FSTL4: variants seen among roughly 807,000 people sequenced by gnomAD.
FSTL4 encodes follistatin-related protein 4.
A neutral mutation model predicts 78.2 loss-of-function variants in FSTL4; 28 were observed. The observed-to-expected ratio is 0.36, with a 90% CI of 0.27 to 0.49. FSTL4 has a LOEUF of 0.49. Among genes scored for constraint, FSTL4 ranks in the 20% least tolerant of loss-of-function variants. FSTL4 has a pLI of 0.98. For missense variants in FSTL4, 922 were observed against 1,084.9 expected (o/e 0.85, Z 2.11); for synonymous variants, 422 against 440.5 (o/e 0.96, Z 0.53).
chr5:133,690,061 C>T, the FSTL4 span, among the ~76,000 whole-genome samples: 1 of 129,774 alleles, frequency 7.7e-6, no homozygotes, highest in Non-Finnish European at 1.6e-5. Context: ...AACTCCATTT[C>T]AAAACACACA....
the FSTL4 span, among the ~76,000 whole-genome samples, chr5:133,740,955 G>A: frequency 1.3e-5 from 2 of 151,946 alleles, no homozygotes; most frequent in Non-Finnish European, 2.9e-5. Flanking sequence ...ATGGATGGAT[G>A]GATGGATGGA....
At chr5:133,552,184 T>C (rs1388447000) in intron 3 of FSTL4, among the ~76,000 whole-genome samples, 1 of 152,148 alleles carries the variant, frequency 6.6e-6, no homozygotes. Flanking sequence ...GACATCTGAC[T>C]CTACTGGTCC....
At chr5:133,435,780 C>A (rs1757022515) in intron 3 of FSTL4, among the ~76,000 whole-genome samples, 1 of 152,174 alleles carries the variant, frequency 6.6e-6, no homozygotes, top group Non-Finnish European at 1.5e-5. Context: ...ACATAAAGCT[C>A]CATGACCACA....
chr5:133,837,049 A>G, the FSTL4 span, among the ~76,000 whole-genome samples: 1 of 152,032 alleles, frequency 6.6e-6, no homozygotes, highest in Non-Finnish European at 1.5e-5. Context: ...ACCCCTCCCT[A>G]AGACTCCAGT....
chr5:133,717,711 A>T, the FSTL4 span, among the ~76,000 whole-genome samples: 1 of 152,226 alleles, frequency 6.6e-6, no homozygotes, highest in African/African-American at 2.4e-5. Context: ...TTCATTCAGC[A>T]TAATGTTTTT....
Position 133,330,634 on chromosome 5 carries a change from A to G in FSTL4, c.410-13982T>C, listed in dbSNP as rs148925976. ...ATTTCAGGGTACAAATATCCAAAGA[A>G]TAATACACCACACATATATGGGATA... On this transcript the variant is annotated intron_variant, in intron 4 of 15. Transcript: ENST00000265342. Among the ~76,000 whole-genome samples, 1,063 of 152,324 alleles carry G rather than the reference A, an allele frequency of 7.0e-3. 2 individuals carry two copies. The highest frequency in any genetic ancestry group is 0.037 in the Middle Eastern group (11 of 294).
intron 3 of FSTL4, among the ~76,000 whole-genome samples, chr5:133,548,163 G>C (rs941928618): frequency 2.0e-5 from 3 of 152,110 alleles, no homozygotes; most frequent in African/African-American, 7.2e-5. Context: ...CAAAAATATA[G>C]AACTTTTCTG....
chr5:133,508,205 T>C (rs1430567689), intron 3 of FSTL4, among the ~76,000 whole-genome samples: 1 of 152,212 alleles, frequency 6.6e-6, no homozygotes, highest in East Asian at 1.9e-4. Flanking sequence ...GCAGGTAGGA[T>C]TGGTGCCTGG....
intron 6 of FSTL4, among the ~76,000 whole-genome samples, chr5:133,303,983 G>T (rs571238790): frequency 4.4e-4 from 67 of 152,244 alleles, no homozygotes; most frequent in African/African-American, 1.5e-3. Context: ...CTGGGCTCCT[G>T]CCTGGAGCCT....
chr5:133,316,969 C>T lies in FSTL4; in HGVS notation c.410-317G>A, dbSNP rs185221223. On this transcript the variant is annotated intron_variant, in intron 4 of 15. Transcript: ENST00000265342. ...CAGATGGAATGGGAAATTCTTCCAG[C>T]GGAATATATAGCGGCAGCCCCACAG... Among the ~76,000 whole-genome samples, 7 of 152,258 alleles carry T rather than the reference C, an allele frequency of 4.6e-5. No individual in the cohort carries two copies. The East Asian group carries it at 1.2e-3, about 25-fold the overall frequency.
chr5:133,510,248 T>A (rs9327653), intron 3 of FSTL4, among the ~76,000 whole-genome samples: 1,657 of 152,216 alleles, frequency 0.011, 30 homozygotes, highest in African/African-American at 0.037. Context: ...TGTGAAACAA[T>A]AGACAACAGC....
At position 133,399,421 on chromosome 5, in the gene FSTL4, C is replaced by T. The variant is rs25734; in HGVS notation, c.409+1317G>A. 3.9e-5 allele frequency among the ~76,000 whole-genome samples: 6 copies of T among 152,184 alleles called. No individual in the cohort carries two copies. In the South Asian group the frequency reaches 1.0e-3, roughly 26 times the overall value. On this transcript the variant is annotated intron_variant, in intron 4 of 15. Transcript: ENST00000265342. ...AGTGTCCAAGACTATTGTCATCACC[C>T]GGTAAAGGCACATTTCCCAAGCCCT...
intron 4 of FSTL4, among the ~76,000 whole-genome samples, chr5:133,387,286 T>C (rs1561696555): frequency 1.3e-5 from 2 of 152,174 alleles, no homozygotes; most frequent in African/African-American, 4.8e-5. Flanking sequence ...CATTTACAAG[T>C]CCAGTAACTG....
At chr5:133,394,311 C>T (rs948178198) in intron 4 of FSTL4, among the ~76,000 whole-genome samples, 3 of 152,216 alleles carry the variant, frequency 2.0e-5, no homozygotes, top group Admixed American at 6.5e-5. Context: ...CTGGGCTGGC[C>T]GAGGCTGGAG....
the FSTL4 span, among the ~76,000 whole-genome samples, chr5:133,708,331 T>C: frequency 6.6e-6 from 1 of 152,164 alleles, no homozygotes; most frequent in Non-Finnish European, 1.5e-5. Context: ...GGCAACGCCC[T>C]TTTCATCTCC....
chr5:133,212,282 A>ACTC lies in FSTL4; in HGVS notation c.1609-1987_1609-1985dup, dbSNP rs369163418. Among the ~76,000 whole-genome samples the ACTC allele has an allele frequency of 4.0e-3, 612 of 152,236 alleles. 2 individuals are homozygous for ACTC. The highest frequency in any genetic ancestry group is 0.014 in the African/African-American group (580 of 41,548). On this transcript the variant is annotated intron_variant, in intron 13 of 15. Coordinates refer to ENST00000265342, the MANE Select transcript of FSTL4 (RefSeq NM_015082.2). ...TTAACCTTCTCCCATTGGATTTCAT[A>ACTC]CTCTTATTCTAAGGTGGTATGGAGC...
At chr5:133,582,126 C>T (rs540953014) in intron 2 of FSTL4, among the ~76,000 whole-genome samples, 1 of 152,324 alleles carries the variant, frequency 6.6e-6, no homozygotes, top group East Asian at 1.9e-4. Flanking sequence ...CCCACACTCG[C>T]CTTCCATGAG....
the FSTL4 span, among the ~76,000 whole-genome samples, chr5:133,751,311 A>G: frequency 6.6e-6 from 1 of 152,226 alleles, no homozygotes; most frequent in Non-Finnish European, 1.5e-5. Context: ...TCTGGAAGAA[A>G]ATGTCACAGA....
In FSTL4 at chr5:133,372,269, G is replaced by GTATCTATC. The variant is rs70974084; in HGVS notation, c.409+28461_409+28468dup. Among the ~76,000 whole-genome samples the GTATCTATC allele has an allele frequency of 7.6e-3, 1,082 of 143,014 alleles. 20 individuals are homozygous for GTATCTATC. The highest frequency in any genetic ancestry group is 0.025 in the African/African-American group (980 of 39,018). The allele number at this position is 143,014 out of a possible 152,430, so 93.8% of individuals were successfully genotyped here. ...TCTATGTATGTATGTATGTATGTATGTATCTATCTATCTATCTATTTTTTA... is the reference window on the plus strand; with the variant it reads ...TCTATGTATGTATGTATGTATGTATGTATCTATCTATCTATCTATCTATCTATTTTTTA... On this transcript the variant is annotated intron_variant, in intron 4 of 15. Coordinates refer to ENST00000265342, the MANE Select transcript of FSTL4 (RefSeq NM_015082.2).
Sources: allele counts gnomAD v4.1 joint callset (sites outside exome capture counted in the v4.1 genomes callset), GRCh38; gene constraint gnomAD v4.1.1; transcripts MANE v1.5; gene names NCBI Gene and HGNC (gene_info 2026-07-23, HGNC 2026-07-21).